TMEM150B: variants seen among roughly 807,000 people sequenced by gnomAD.
TMEM150B encodes modulator of macroautophagy TMEM150B.
In TMEM150B, 33 loss-of-function variants were observed where a neutral mutation model predicts 25.2. That is an observed-to-expected ratio of 1.31 (90% CI 0.99 to 1.75). TMEM150B has a LOEUF of 1.75. TMEM150B is among the 40% of genes most tolerant of loss of function. The pLI, the probability that TMEM150B is intolerant of heterozygous loss-of-function variation, is 0.00. For missense variants in TMEM150B, 322 were observed against 306.1 expected, an observed-to-expected ratio of 1.05 and a Z score of -0.39; for synonymous variants, 133 against 134.8, an observed-to-expected ratio of 0.99 and a Z score of 0.09.
At chr19:55,319,999 C>T (rs372675853) in intron 6 of TMEM150B, 40 bp downstream of exon 6, 9 of 1,612,752 alleles carry the variant, frequency 5.6e-6, no homozygotes, top group Non-Finnish European at 7.6e-6. Flanking sequence ...TAGTTCCAGA[C>T]GCCGGCCGGG....
chr19:55,318,265 G>T (rs1020733434), intron 6 of TMEM150B, among the ~76,000 whole-genome samples: 1 of 152,150 alleles, frequency 6.6e-6, no homozygotes, highest in Non-Finnish European at 1.5e-5. Context: ...GGAAGCTGAA[G>T]TTAGGAGAAT....
Position 55,320,399 on chromosome 19 carries a change from G to T in TMEM150B, c.188C>A (p.Ala63Asp). 1 of 1,561,574 alleles carries T rather than the reference G, an allele frequency of 6.4e-7. No homozygotes were observed. Among genetic ancestry groups the T allele is most frequent in the Non-Finnish European group, 8.7e-7 (1 of 1,152,716 alleles). ...GGCTGGGCAATATTTACCCAGAGCAGCTCCCATATTGAGCACCTGGCTGAA... is the reference window on the plus strand; with the variant it reads ...GGCTGGGCAATATTTACCCAGAGCATCTCCCATATTGAGCACCTGGCTGAA... The part of the protein sequence containing the change: ...CIFSQVLNMG[A>D]ALAAWICIVR... The change falls in exon 5 of 8, where the codon GCT (alanine) becomes GAT (aspartate). Residue 63 changes from alanine (A) to aspartate (D), a missense_variant. Transcript: ENST00000326652.
chr19:55,323,889 C>A (rs1450723638), intron 1 of TMEM150B, among the ~76,000 whole-genome samples: 1 of 150,104 alleles, frequency 6.7e-6, no homozygotes, highest in Admixed American at 6.7e-5. Flanking sequence ...TCACTGGGAC[C>A]TCCACCTCCT....
chr19:55,311,855 T>C, downstream of TMEM150B: 1 of 1,582,782 alleles, frequency 6.3e-7, no homozygotes, highest in Non-Finnish European at 8.6e-7. Context: ...CCCCTGGTAA[T>C]GGGAACCCCA....
chr19:55,314,279 C>T (rs1041748037), intron 7 of TMEM150B, among the ~76,000 whole-genome samples: 3 of 152,196 alleles, frequency 2.0e-5, no homozygotes, highest in Non-Finnish European at 2.9e-5. Context: ...GCCTTAGTCT[C>T]CCAAAGCGCT....
chr19:55,311,118 C>T (rs2123013305), downstream of TMEM150B, among the ~76,000 whole-genome samples: 1 of 152,208 alleles, frequency 6.6e-6, no homozygotes, highest in East Asian at 1.9e-4. Context: ...CGTGCCACCA[C>T]ACCCGGCTAA....
rs1269428550 is a variant in TMEM150B at position 55,321,082 on chromosome 19, T to C, written c.-46A>G. 1.4e-5 allele frequency: 23 copies of C among 1,587,876 alleles called. No homozygotes were observed. The South Asian group carries it at 2.4e-4, about 17-fold the overall frequency. Reference sequence around the variant, plus strand: ...GATCGGGGCTGAGGCTGGACACCTGTCTCTCTCACACCTGAAGAACCAGCC... The same window carrying C: ...GATCGGGGCTGAGGCTGGACACCTGCCTCTCTCACACCTGAAGAACCAGCC... On this transcript the variant is annotated 5_prime_UTR_variant, in exon 3 of 8. Transcript: ENST00000326652.
chr19:55,312,962 G>A lies in TMEM150B; in HGVS notation c.599C>T (p.Ala200Val). ...MLLFALFGLL[A>V]VDFSALESCT... is the part of the protein sequence containing the mutation. The stretch of plus-strand genomic sequence containing the variant: ...GCTCTCCAGGGCGGAGAAGTCAACG[G>A]CTAAGAGACCGAAGAGCGCGAACAG... The change falls in exon 8 of 8, where the codon GCC becomes GTC. Residue 200 changes from alanine (A) to valine (V), a missense_variant. By Grantham distance (64) the Ala-to-Val change is moderately conservative. Transcript: ENST00000326652. 2 of 1,613,570 alleles carry A rather than the reference G, an allele frequency of 1.2e-6. No homozygotes were observed. The highest frequency in any genetic ancestry group is 1.7e-6 in the Non-Finnish European group (2 of 1,179,842).
At chr19:55,323,319 C>G (rs2089253359) in intron 1 of TMEM150B, among the ~76,000 whole-genome samples, 1 of 151,818 alleles carries the variant, frequency 6.6e-6, no homozygotes. Context: ...GTAATCCCAG[C>G]TACTCCGGAG....
chr19:55,315,870 C>T (rs2088982354), intron 7 of TMEM150B, among the ~76,000 whole-genome samples: 1 of 152,130 alleles, frequency 6.6e-6, no homozygotes, highest in African/African-American at 2.4e-5. Context: ...GCGGAGGTTG[C>T]AGTGAGCTGA....
chr19:55,309,913 C>T (rs2088744776), downstream of TMEM150B, among the ~76,000 whole-genome samples: 1 of 152,168 alleles, frequency 6.6e-6, no homozygotes, highest in Non-Finnish European at 1.5e-5. Flanking sequence ...GCCGTCTGCT[C>T]TGAGGGGAGT....
chr19:55,313,868 T>C (rs73605148), intron 7 of TMEM150B, among the ~76,000 whole-genome samples: 3,890 of 152,268 alleles, frequency 0.026, 168 homozygotes, highest in African/African-American at 0.09. Flanking sequence ...TGCTCACCAC[T>C]TCACCCCTCC....
intron 1 of TMEM150B, among the ~76,000 whole-genome samples, chr19:55,324,359 T>C (rs1295911881): frequency 6.8e-6 from 1 of 146,716 alleles, no homozygotes; most frequent in Non-Finnish European, 1.5e-5. Context: ...AAAAAAAAAT[T>C]AGCTGGGTGG....
At position 55,320,839 on chromosome 19, in the gene TMEM150B, G is replaced by A. The variant is rs556275573; in HGVS notation, c.68+130C>T. 1.1e-3 allele frequency: 1,314 copies of A among 1,217,278 alleles called. 3 individuals carry two copies. Among genetic ancestry groups the A allele is most frequent in the Non-Finnish European group, 1.3e-3 (1,192 of 889,180 alleles). The allele number at this position is 1,217,278 out of a possible 1,614,324, so 75.4% of individuals were successfully genotyped here. ...TCCTCCCTCAGACCCAGGAGTCCAGGCCTCCAGCTCCTCCTCCCTCAGATC... is the reference window on the plus strand; with the variant it reads ...TCCTCCCTCAGACCCAGGAGTCCAGACCTCCAGCTCCTCCTCCCTCAGATC... On this transcript the variant is annotated intron_variant, in intron 3 of 7. Coordinates refer to ENST00000326652, the MANE Select transcript of TMEM150B (RefSeq NM_001282011.2).
At chr19:55,317,180 T>A (rs1266981839) in intron 6 of TMEM150B, among the ~76,000 whole-genome samples, 2 of 152,132 alleles carry the variant, frequency 1.3e-5, no homozygotes, top group Non-Finnish European at 2.9e-5. Context: ...CCTAGAACAG[T>A]GATGGGCACA....
At chr19:55,315,854 C>T (rs372426955) in intron 7 of TMEM150B, among the ~76,000 whole-genome samples, 3 of 151,720 alleles carry the variant, frequency 2.0e-5, no homozygotes, top group African/African-American at 7.3e-5. Context: ...CGCTTGAACC[C>T]GGGAGGCGGA....
intron 2 of TMEM150B, 48 bp from the exon 3 acceptor site, chr19:55,321,141 C>T: frequency 6.7e-7 from 1 of 1,484,944 alleles, no homozygotes; most frequent in South Asian, 1.4e-5. Context: ...AGATTGTGGC[C>T]CCAACCACTA....
downstream of TMEM150B, chr19:55,312,722 G>A (rs964746989): frequency 1.4e-5 from 14 of 1,021,042 alleles, no homozygotes; most frequent in South Asian, 3.5e-5. Flanking sequence ...CAGGTCCTCC[G>A]GCTCCAGGTC....
intron 2 of TMEM150B, among the ~76,000 whole-genome samples, chr19:55,321,911 C>G (rs2089217157): frequency 6.6e-6 from 1 of 152,170 alleles, no homozygotes; most frequent in African/African-American, 2.4e-5. Flanking sequence ...CCCCTCCACT[C>G]TCCTTCCTCT....
Sources: allele counts gnomAD v4.1 joint callset (sites outside exome capture counted in the v4.1 genomes callset), GRCh38; gene constraint gnomAD v4.1.1; transcripts MANE v1.5; gene names NCBI Gene and HGNC (gene_info 2026-07-23, HGNC 2026-07-21).